Variants in SLC5A3 observed in about 807,000 individuals in gnomAD.
The protein encoded by SLC5A3 is solute carrier family 5 member 3.
SLC5A3 carries 10 observed loss-of-function variants against 43.2 expected under a neutral mutation model. That is an observed-to-expected ratio of 0.23 (90% CI 0.14 to 0.39). SLC5A3 has a LOEUF of 0.39. SLC5A3 is among the 10% of genes least tolerant of loss of function. The probability of loss-of-function intolerance (pLI) is 1.00; values close to 1 mark genes in which losing one functional copy is unlikely to be tolerated. For synonymous variants in SLC5A3, 349 were observed against 322.0 expected, an observed-to-expected ratio of 1.08 and a Z score of -0.90; for missense variants, 608 against 893.4, an observed-to-expected ratio of 0.68 and a Z score of 4.07.
At chr21:34,073,838 C>T (rs1669933848) in intron 1 of SLC5A3, 93 bp downstream of exon 1, 5 of 887,712 alleles carry the variant, frequency 5.6e-6, no homozygotes, top group Middle Eastern at 8.8e-4. Flanking sequence ...CGCGGGACCC[C>T]GGGCCTTCCT....
At position 34,106,105 on chromosome 21, in the gene SLC5A3, A is replaced by G. The variant is rs1240727141; in HGVS notation, c.*8750A>G. 14 of 998,468 alleles carry G rather than the reference A, an allele frequency of 1.4e-5. No individual in the cohort carries two copies. Among genetic ancestry groups the G allele is most frequent in the Middle Eastern group, 5.2e-4 (1 of 1,932 alleles). The allele number at this position is 998,468 out of a possible 1,614,324, so 61.9% of individuals were successfully genotyped here. On this transcript the variant is annotated 3_prime_UTR_variant, in exon 2 of 2. Transcript: ENST00000381151. ...TGTGTGTTATTTTGCCAGCTGCTGC[A>G]TTAGCCTTCAAAAGTATTTGGAAAC...
chr21:34,074,696 A>G (rs1044811464), intron 1 of SLC5A3, among the ~76,000 whole-genome samples: 1 of 152,198 alleles, frequency 6.6e-6, no homozygotes, highest in Non-Finnish European at 1.5e-5. Flanking sequence ...CACCAGGTGT[A>G]ATAAAACAAA....
rs888489069 is a variant in SLC5A3, at chr21:34,104,121, C to T, written c.*6766C>T. On this transcript the variant is annotated 3_prime_UTR_variant, in exon 2 of 2. Transcript: ENST00000381151. Reference sequence around the variant, plus strand: ...GTTTGTATGTGAGAGATGAAGTTACCTTTATTTTTTTCCTATACTTGACTG... The same window carrying T: ...GTTTGTATGTGAGAGATGAAGTTACTTTTATTTTTTTCCTATACTTGACTG... The T allele has an allele frequency of 1.0e-6, 1 of 999,540 alleles. No homozygotes were observed. The highest frequency in any genetic ancestry group is 1.7e-5 in the African/African-American group (1 of 57,172). The allele number at this position is 999,540 out of a possible 1,614,324, so 61.9% of individuals were successfully genotyped here. A position where few individuals can be genotyped will look rare whatever the true frequency, so the allele number is the denominator to read the frequency against.
In SLC5A3 at chr21:34,096,085, A is replaced by G. The variant is rs1250041376; in HGVS notation, c.887A>G (p.Lys296Arg). The G allele has an allele frequency of 1.9e-6, 3 of 1,614,110 alleles. No homozygotes were observed. In the Admixed American group the frequency reaches 5.0e-5, roughly 27 times the overall value. The stretch of plus-strand genomic sequence containing the variant: ...GCAGCCAAAAACATTGCTCATGCCA[A>G]AGGCTCTACTCTTATGGCTGGCTTC... Reference protein sequence around the residue: ...VLAAKNIAHAKGSTLMAGFLK... With the variant: ...VLAAKNIAHARGSTLMAGFLK... Residue 296 changes from lysine to arginine, a missense_variant, in exon 2 of 2, where the codon AAA (lysine) becomes AGA (arginine). Lys to Arg is a conservative substitution (Grantham distance 26). Transcript: ENST00000381151. This position sits in a 1 kb window ranked among gnomAD's most constrained non-coding sequence, Gnocchi z 5.9.
At position 34,102,420 on chromosome 21, in the gene SLC5A3, G is replaced by A; in HGVS notation, c.*5065G>A. The A allele has an allele frequency of 1.0e-6, 1 of 999,832 alleles. No individual in the cohort carries two copies. Among genetic ancestry groups the A allele is most frequent in the Non-Finnish European group, 1.2e-6 (1 of 829,632 alleles). The allele number at this position is 999,832 out of a possible 1,614,324, so 61.9% of individuals were successfully genotyped here. A position where few individuals can be genotyped will look rare whatever the true frequency, so the allele number is the denominator to read the frequency against. The stretch of plus-strand genomic sequence containing the variant: ...AACTTCTTTATAAAAAGAGGGATTA[G>A]TTTTTTTGTTTTGGGGTAAGCACCT... On this transcript the variant is annotated 3_prime_UTR_variant, in exon 2 of 2. Transcript: ENST00000381151.
At chr21:34,086,788 T>C (rs1002526911) in intron 1 of SLC5A3, among the ~76,000 whole-genome samples, 7 of 147,568 alleles carry the variant, frequency 4.7e-5, no homozygotes, top group African/African-American at 1.8e-4. Flanking sequence ...GTAACTTCTT[T>C]AGTTTTGTGG....
Position 34,097,506 on chromosome 21 carries a change from T to C in SLC5A3, c.*151T>C, listed in dbSNP as rs935242600. 23 of 1,408,958 alleles carry C rather than the reference T, an allele frequency of 1.6e-5. No homozygotes were observed. Among genetic ancestry groups the C allele is most frequent in the African/African-American group, 5.8e-5 (4 of 68,680 alleles). 87.3% of individuals were successfully genotyped at this position (1,408,958 alleles called of 1,614,324 possible). On this transcript the variant is annotated 3_prime_UTR_variant, in exon 2 of 2. Coordinates refer to ENST00000381151, the MANE Select transcript of SLC5A3 (RefSeq NM_006933.7). ...AGAAAATCATCTAATTACAAGACTT[T>C]ATTTTCCCAGAGATGGATTAAAGTA... is the stretch of plus-strand genomic sequence containing the variant.
Position 34,090,657 on chromosome 21 carries a change from G to T in SLC5A3, c.-336-4206G>T, listed in dbSNP as rs77436920. On this transcript the variant is annotated intron_variant, in intron 1 of 1. Transcript: ENST00000381151. ...ATATTCAGGTTGTAGGGAGTAAACT[G>T]ACATTTACTGAGCCACCTCCCCATT... Among the ~76,000 whole-genome samples the T allele has an allele frequency of 2.9e-3, 442 of 152,294 alleles. 1 individual carries two copies. Among genetic ancestry groups the T allele is most frequent in the African/African-American group, 0.01 (426 of 41,536 alleles).
At chr21:34,086,964 G>A (rs1458161676) in intron 1 of SLC5A3, among the ~76,000 whole-genome samples, 1 of 152,166 alleles carries the variant, frequency 6.6e-6, no homozygotes, top group African/African-American at 2.4e-5. Context: ...CACGCACAGG[G>A]AAGGTCTGCA....
chr21:34,105,114 A>G lies in SLC5A3; in HGVS notation c.*7759A>G. 2 of 1,000,174 alleles carry G rather than the reference A, an allele frequency of 2.0e-6. No individual in the cohort carries two copies. The highest frequency in any genetic ancestry group is 2.4e-6 in the Non-Finnish European group (2 of 829,928). The allele number at this position is 1,000,174 out of a possible 1,614,324, so 62.0% of individuals were successfully genotyped here. Reference sequence around the variant, plus strand: ...ATTTTTTTTAATAATGCCATACTCCATTAGTGTCAGATGATGGTATGGAAT... The same window carrying G: ...ATTTTTTTTAATAATGCCATACTCCGTTAGTGTCAGATGATGGTATGGAAT... On this transcript the variant is annotated 3_prime_UTR_variant, in exon 2 of 2. Coordinates refer to ENST00000381151, the MANE Select transcript of SLC5A3 (RefSeq NM_006933.7).
chr21:34,084,799 A>T (rs1051942706), intron 1 of SLC5A3, among the ~76,000 whole-genome samples: 4 of 152,060 alleles, frequency 2.6e-5, no homozygotes, highest in Non-Finnish European at 4.4e-5. Flanking sequence ...TTATCTTAAA[A>T]TTTTTTTCAT....
chr21:34,104,504 A>AT lies in SLC5A3; in HGVS notation c.*7151dup. ...ACCTTTGTTCCTACTCTTTTATATA[A>AT]TTATCCTTTTAGGGAAAGACTTGGT... is the stretch of plus-strand genomic sequence containing the variant. On this transcript the variant is annotated 3_prime_UTR_variant, in exon 2 of 2. Transcript: ENST00000381151. 1.0e-6 allele frequency: 1 copy of AT among 995,668 alleles called. No homozygotes were observed. Among genetic ancestry groups the AT allele is most frequent in the Non-Finnish European group, 1.2e-6 (1 of 828,650 alleles). 61.7% of individuals were successfully genotyped at this position (995,668 alleles called of 1,614,324 possible).
At chr21:34,084,083 C>T (rs1989517706) in intron 1 of SLC5A3, among the ~76,000 whole-genome samples, 1 of 152,120 alleles carries the variant, frequency 6.6e-6, no homozygotes, top group South Asian at 2.1e-4. Flanking sequence ...CTACCAGTCC[C>T]TCCAAATACT....
In SLC5A3 at chr21:34,096,175, A is replaced by G. The variant is rs776102083; in HGVS notation, c.977A>G (p.Asp326Gly). The change falls in exon 2 of 2, where the codon GAT becomes GGT. Residue 326 changes from aspartate (D) to glycine (G), a missense_variant. This residue lies in a region of SLC5A3 where 398 missense variants were observed against 668.6 expected (regional missense o/e 0.60). Coordinates refer to ENST00000381151, the MANE Select transcript of SLC5A3 (RefSeq NM_006933.7). The surrounding 1 kb of genome is among the most constrained non-coding windows in gnomAD (Gnocchi z 5.9). ...PGMISRILFT[D>G]DIACINPEHC... ...ATGATTTCCAGGATACTGTTTACTG[A>G]TGATATAGCTTGCATCAACCCAGAG... 1 of 1,614,012 alleles carries G rather than the reference A, an allele frequency of 6.2e-7. No homozygotes were observed. The highest frequency in any genetic ancestry group is 2.2e-5 in the East Asian group (1 of 44,902).
intron 1 of SLC5A3, among the ~76,000 whole-genome samples, chr21:34,087,439 A>C (rs1471692220): frequency 2.0e-5 from 3 of 152,252 alleles, no homozygotes; most frequent in Admixed American, 6.5e-5. Flanking sequence ...TGTTCTGGAC[A>C]CTAGGACACA....
Position 34,095,152 on chromosome 21 carries a change from G to A in SLC5A3, c.-47G>A, listed in dbSNP as rs748078623. 6.7e-7 allele frequency: 1 copy of A among 1,498,274 alleles called. No individual in the cohort carries two copies. Among genetic ancestry groups the A allele is most frequent in the African/African-American group, 1.8e-5 (1 of 56,732 alleles). 92.8% of individuals were successfully genotyped at this position (1,498,274 alleles called of 1,614,324 possible). A position where few individuals can be genotyped will look rare whatever the true frequency, so the allele number is the denominator to read the frequency against. On this transcript the variant is annotated 5_prime_UTR_variant, in exon 2 of 2. Transcript: ENST00000381151. ...TGGGGTTACTAAAAATAAATAAAAAGTTGGACACTTCTGTCATTGGAGCGC... is the reference window on the plus strand; with the variant it reads ...TGGGGTTACTAAAAATAAATAAAAAATTGGACACTTCTGTCATTGGAGCGC...
At chr21:34,087,923 A>T (rs554363585) in intron 1 of SLC5A3, among the ~76,000 whole-genome samples, 1 of 152,200 alleles carries the variant, frequency 6.6e-6, no homozygotes, top group East Asian at 1.9e-4. Flanking sequence ...GTTGAGGGAG[A>T]AAGTGAGCAG....
rs1979423936 is a variant in SLC5A3, at chr21:34,105,230, C to CT, written c.*7877dup. 9 of 1,000,122 alleles carry CT rather than the reference C, an allele frequency of 9.0e-6. No individual in the cohort carries two copies. The highest frequency in any genetic ancestry group is 1.1e-5 in the Non-Finnish European group (9 of 829,970). 62.0% of individuals were successfully genotyped at this position (1,000,122 alleles called of 1,614,324 possible). A position where few individuals can be genotyped will look rare whatever the true frequency, so the allele number is the denominator to read the frequency against. ...AGAGCAGGGATTTACCCGTTCTTTG[C>CT]TTGGACATCCCATTTTCTTTTGTCC... On this transcript the variant is annotated 3_prime_UTR_variant, in exon 2 of 2. Coordinates refer to ENST00000381151, the MANE Select transcript of SLC5A3 (RefSeq NM_006933.7).
intron 1 of SLC5A3, among the ~76,000 whole-genome samples, chr21:34,077,517 T>G (rs904668239): frequency 6.6e-6 from 1 of 152,190 alleles, no homozygotes; most frequent in Non-Finnish European, 1.5e-5. Context: ...GTTAATGGCT[T>G]AATAACTAAT....
Sources: allele counts gnomAD v4.1 joint callset (sites outside exome capture counted in the v4.1 genomes callset), GRCh38; gene constraint gnomAD v4.1.1; regional missense constraint gnomAD v4.1.1; non-coding constraint Gnocchi (gnomAD v3.1); transcripts MANE v1.5; gene names NCBI Gene and HGNC (gene_info 2026-07-23, HGNC 2026-07-21).